NDUFA11: variants seen among roughly 807,000 people sequenced by gnomAD.
NDUFA11 encodes the protein NADH dehydrogenase [ubiquinone] 1 alpha subcomplex subunit 11.
Under a neutral mutation model 11.3 loss-of-function variants are expected in NDUFA11, and 14 were observed. The observed-to-expected ratio is 1.24, with a 90% CI of 0.82 to 1.94. The LOEUF (loss-of-function observed/expected upper bound fraction) is 1.94. NDUFA11 is among the 30% of genes most tolerant of loss of function. The pLI is 0.00. For missense variants in NDUFA11, 204 were observed against 200.3 expected (o/e 1.02, Z -0.11); for synonymous variants, 87 against 85.6 (o/e 1.02, Z -0.09).
chr19:5,899,146 TTC>T (rs1227345032), intron 1 of NDUFA11, among the ~76,000 whole-genome samples: 1 of 149,982 alleles, frequency 6.7e-6, no homozygotes, highest in Non-Finnish European at 1.5e-5. Flanking sequence ...TCTATGAAGA[TTC>T]TTTTTTTTTT....
In NDUFA11 at chr19:5,896,444, G is replaced by T; in HGVS notation, c.313+9C>A. 8.8e-7 allele frequency: 1 copy of T among 1,133,538 alleles called. No individual in the cohort carries two copies. Among genetic ancestry groups the T allele is most frequent in the Non-Finnish European group, 1.3e-6 (1 of 775,838 alleles). The allele number at this position is 1,133,538 out of a possible 1,614,324, so 70.2% of individuals were successfully genotyped here. On this transcript the variant is annotated intron_variant, in intron 3 of 3. Coordinates refer to ENST00000308961, the MANE Select transcript of NDUFA11 (RefSeq NM_175614.5). This position sits in a 1 kb window ranked among gnomAD's most constrained non-coding sequence, Gnocchi z 5.8. ...GGAGGAGGGTGGGGGTGGGGAGGGG[G>T]CCACTCACTGCGTGCTCCCAGAGTC...
downstream of NDUFA11, chr19:5,894,665 G>A (rs1184332605): frequency 1.7e-5 from 26 of 1,561,984 alleles, no homozygotes; most frequent in Non-Finnish European, 2.1e-5. Context: ...AAGCCCTCCG[G>A]ACACTGACAC....
chr19:5,896,657 GGA>G lies in NDUFA11; in HGVS notation c.191-84_191-83del, dbSNP rs772039930. On this transcript the variant is annotated intron_variant, in intron 2 of 3. Coordinates refer to ENST00000308961, the MANE Select transcript of NDUFA11 (RefSeq NM_175614.5). This position sits in a 1 kb window ranked among gnomAD's most constrained non-coding sequence, Gnocchi z 5.8. ...GGGCGCTCACTGCCAGTGTCTGGAT[GGA>G]GAGAGATGCCACGAGTCGGCTGCTC... 37 of 1,541,956 alleles carry G rather than the reference GGA, an allele frequency of 2.4e-5. No individual in the cohort carries two copies. Among genetic ancestry groups the G allele is most frequent in the Non-Finnish European group, 3.2e-5 (36 of 1,140,516 alleles).
downstream of NDUFA11, among the ~76,000 whole-genome samples, chr19:5,893,649 G>A (rs1205451811): frequency 1.3e-5 from 2 of 152,110 alleles, no homozygotes; most frequent in South Asian, 2.1e-4. The surrounding 1 kb of genome is among the most constrained non-coding windows in gnomAD (Gnocchi z 4.1). Context: ...GGTGGCCATA[G>A]TCCTGGCTAC....
At chr19:5,892,922 T>A, downstream of NDUFA11, 2 of 1,441,868 alleles carry the variant, frequency 1.4e-6, no homozygotes, top group Non-Finnish European at 1.8e-6. Flanking sequence ...AAGAATCAAG[T>A]TCTGGGGTTC....
At chr19:5,895,208 C>T in intron 3 of NDUFA11, 1 of 287,058 alleles carries the variant, frequency 3.5e-6, no homozygotes, top group Admixed American at 4.6e-5. Flanking sequence ...CTCTCCTTTG[C>T]CCATGGATGC....
At chr19:5,899,168 G>C (rs547302588) in intron 1 of NDUFA11, among the ~76,000 whole-genome samples, 3 of 129,190 alleles carry the variant, frequency 2.3e-5, no homozygotes, top group South Asian at 5.3e-4. Context: ...TTTTTTTCTT[G>C]AGATAGAGTC....
In NDUFA11 at chr19:5,898,648, C is replaced by T. The variant is rs570486209; in HGVS notation, c.98-1651G>A. On this transcript the variant is annotated intron_variant, in intron 1 of 3. Coordinates refer to ENST00000308961, the MANE Select transcript of NDUFA11 (RefSeq NM_175614.5). ...CAGCACTTTAAGAGGCCAAGGTGGG[C>T]GGATCATTTGAGGTTAGGAGTTTGA... Among the ~76,000 whole-genome samples, 8 of 152,086 alleles carry T rather than the reference C, an allele frequency of 5.3e-5. No individual in the cohort carries two copies. The East Asian group carries it at 5.8e-4, about 11-fold the overall frequency.
downstream of NDUFA11, chr19:5,891,323 G>A (rs552831835): frequency 6.6e-6 from 1 of 152,134 alleles, no homozygotes; most frequent in East Asian, 1.9e-4. Context: ...ACAGTGACAT[G>A]ATCTCGGCTC....
At position 5,896,671 on chromosome 19, in the gene NDUFA11, C is replaced by A. The variant is rs946276090; in HGVS notation, c.191-96G>T. 3.9e-6 allele frequency: 6 copies of A among 1,529,742 alleles called. No homozygotes were observed. The highest frequency in any genetic ancestry group is 4.4e-6 in the Non-Finnish European group (5 of 1,130,418). The allele number at this position is 1,529,742 out of a possible 1,614,324, so 94.8% of individuals were successfully genotyped here. On this transcript the variant is annotated intron_variant, in intron 2 of 3. Coordinates refer to ENST00000308961, the MANE Select transcript of NDUFA11 (RefSeq NM_175614.5). This position sits in a 1 kb window ranked among gnomAD's most constrained non-coding sequence, Gnocchi z 5.8. ...AGTGTCTGGATGGAGAGAGATGCCA[C>A]GAGTCGGCTGCTCGCTGTGCATGGC... is the stretch of plus-strand genomic sequence containing the variant.
At chr19:5,894,879 A>T (rs1198344608) in intron 3 of NDUFA11, 25 bp from the exon 4 acceptor site, 6 of 1,576,872 alleles carry the variant, frequency 3.8e-6, no homozygotes, top group Non-Finnish European at 5.2e-6. Flanking sequence ...AGGTGATGTC[A>T]GGCCCGGGTG....
intron 1 of NDUFA11, chr19:5,901,151 C>T (rs1555746789): frequency 2.3e-6 from 1 of 439,680 alleles, no homozygotes; most frequent in African/African-American, 2.1e-5. Context: ...CAGCACCACA[C>T]CCCGAGACAA....
At chr19:5,897,541 GCCT>G (rs1169454235) in intron 1 of NDUFA11, among the ~76,000 whole-genome samples, 1 of 151,988 alleles carries the variant, frequency 6.6e-6, no homozygotes, top group Non-Finnish European at 1.5e-5. Context: ...GGCTGCCAAC[GCCT>G]CCTCCTTGCC....
Position 5,896,695 on chromosome 19 carries a change from G to A in NDUFA11, c.191-120C>T. ...ACGAGTCGGCTGCTCGCTGTGCATG[G>A]CAGCCTCCTGGCCCCAGTCCTGGAG... On this transcript the variant is annotated intron_variant, in intron 2 of 3. Transcript: ENST00000308961. This position sits in a 1 kb window ranked among gnomAD's most constrained non-coding sequence, Gnocchi z 5.8. The A allele has an allele frequency of 6.9e-7, 1 of 1,448,878 alleles. No homozygotes were observed. Among genetic ancestry groups the A allele is most frequent in the Non-Finnish European group, 9.4e-7 (1 of 1,058,320 alleles). 89.8% of individuals were successfully genotyped at this position (1,448,878 alleles called of 1,614,324 possible).
At chr19:5,893,323 G>T, downstream of NDUFA11, 1 of 917,370 alleles carries the variant, frequency 1.1e-6, no homozygotes, top group Non-Finnish European at 1.7e-6. The surrounding 1 kb of genome is among the most constrained non-coding windows in gnomAD (Gnocchi z 4.1). Context: ...CAATTAGCTG[G>T]CTGTAGTGGT....
At chr19:5,893,156 T>C, downstream of NDUFA11, 1 of 1,536,050 alleles carries the variant, frequency 6.5e-7, no homozygotes. The surrounding 1 kb of genome is among the most constrained non-coding windows in gnomAD (Gnocchi z 4.1). Flanking sequence ...AGGCAGGCGC[T>C]GGAAGAAGGG....
intron 1 of NDUFA11, chr19:5,901,552 C>T: frequency 9.5e-7 from 1 of 1,052,014 alleles, no homozygotes. Context: ...AAATGCCTCC[C>T]AATGGAGCCG....
downstream of NDUFA11, chr19:5,892,578 G>A (rs773314033): frequency 2.3e-5 from 5 of 218,306 alleles, no homozygotes; most frequent in Non-Finnish European, 2.8e-5. Flanking sequence ...TGCATGGGAA[G>A]GAAGGGGGAT....
downstream of NDUFA11, chr19:5,892,755 C>T (rs1020201166): frequency 1.3e-5 from 12 of 944,130 alleles, no homozygotes; most frequent in African/African-American, 2.0e-4. Flanking sequence ...GAGGCCGGTG[C>T]CCTCGAGTGG....
Sources: allele counts gnomAD v4.1 joint callset (sites outside exome capture counted in the v4.1 genomes callset), GRCh38; gene constraint gnomAD v4.1.1; non-coding constraint Gnocchi (gnomAD v3.1); transcripts MANE v1.5; gene names NCBI Gene and HGNC (gene_info 2026-07-23, HGNC 2026-07-21).